Variants in CSMD2 observed in about 807,000 individuals in gnomAD.
The protein encoded by CSMD2 is CUB and sushi domain-containing protein 2.
Under a neutral mutation model 398.5 loss-of-function variants are expected in CSMD2, and 130 were observed. The ratio of observed to expected loss-of-function variants is 0.33; its 90% CI spans 0.28 to 0.38. The LOEUF (loss-of-function observed/expected upper bound fraction) is 0.38, where lower values mean the gene tolerates loss of function less well. CSMD2 is among the 10% of genes least tolerant of loss of function. CSMD2 has a pLI of 1.00. For missense variants in CSMD2, 3,829 were observed against 4,764.9 expected (o/e 0.80, Z 5.78); for synonymous variants, 1,828 against 1,908.5 (o/e 0.96, Z 1.10).
At position 33,724,640 on chromosome 1, in the gene CSMD2, C is replaced by G. The variant is rs755675468; in HGVS notation, c.2760G>C (p.Gly920=). The G allele has an allele frequency of 2.5e-6, 4 of 1,614,160 alleles. No individual in the cohort carries two copies. Among genetic ancestry groups the G allele is most frequent in the Non-Finnish European group, 3.4e-6 (4 of 1,180,044 alleles). ...PGIPVNGQRH[G]NDFYVGALVT... is the part of the protein sequence containing the mutation. ...CCAGCGCGCCCACGTAGAAGTCATT[C>G]CCATGACGCTGTCCATTTACTGGGA... Residue 920 remains glycine (G), a synonymous_variant, in exon 18 of 71, where the codon GGG becomes GGC. Transcript: ENST00000373381.
At chr1:33,950,622 C>T (rs1239290037) in intron 3 of CSMD2, among the ~76,000 whole-genome samples, 2 of 152,104 alleles carry the variant, frequency 1.3e-5, no homozygotes, top group African/African-American at 4.8e-5. Flanking sequence ...CAGTGGTTGG[C>T]ATAGTTGGGC....
At chr1:33,939,021 G>A (rs969969493) in intron 3 of CSMD2, among the ~76,000 whole-genome samples, 1 of 151,364 alleles carries the variant, frequency 6.6e-6, no homozygotes. Flanking sequence ...GTGATCCCCT[G>A]CTGCTGGTTT....
At chr1:34,057,367 TCTC>T (rs1558312312) in intron 2 of CSMD2, among the ~76,000 whole-genome samples, 2 of 152,106 alleles carry the variant, frequency 1.3e-5, no homozygotes, top group Non-Finnish European at 2.9e-5. Flanking sequence ...CCTTTTCCCT[TCTC>T]CTAGACCCCT....
rs116732054 is a variant in CSMD2, at chr1:33,715,323, T to A, written c.3218-548A>T. Among the ~76,000 whole-genome samples the A allele has an allele frequency of 4.2e-3, 639 of 152,122 alleles. 5 individuals carry two copies. The highest frequency in any genetic ancestry group is 0.015 in the African/African-American group (612 of 41,564). On this transcript the variant is annotated intron_variant, in intron 20 of 70. Coordinates refer to ENST00000373381, the MANE Select transcript of CSMD2 (RefSeq NM_001281956.2). ...ACTCCAAATGCCTGACGAGAAGCCA[T>A]GTCTCAGCTACGTTGGCACTTGAGG...
chr1:33,631,415 C>T (rs1254011951), intron 32 of CSMD2, among the ~76,000 whole-genome samples: 1 of 151,984 alleles, frequency 6.6e-6, no homozygotes, highest in Admixed American at 6.6e-5. Context: ...AATAATGAGA[C>T]AAATTTATTT....
At chr1:33,643,440 C>A in intron 29 of CSMD2, among the ~76,000 whole-genome samples, 1 of 152,194 alleles carries the variant, frequency 6.6e-6, no homozygotes. Flanking sequence ...ACAACAAATG[C>A]AATACCAGTG....
chr1:34,128,251 C>T (rs541832803), intron 1 of CSMD2, among the ~76,000 whole-genome samples: 1 of 152,160 alleles, frequency 6.6e-6, no homozygotes, highest in Non-Finnish European at 1.5e-5. Flanking sequence ...GCACTGGAAG[C>T]TTCTGAGGCT....
At chr1:34,081,316 T>C (rs889873856) in intron 2 of CSMD2, among the ~76,000 whole-genome samples, 2 of 152,118 alleles carry the variant, frequency 1.3e-5, no homozygotes, top group East Asian at 3.9e-4. Flanking sequence ...TGGACTGTCC[T>C]CTAAGGTCAT....
At chr1:34,143,523 T>C (rs1639493718) in intron 1 of CSMD2, among the ~76,000 whole-genome samples, 1 of 152,192 alleles carries the variant, frequency 6.6e-6, no homozygotes, top group Non-Finnish European at 1.5e-5. Flanking sequence ...TGTGTAATTA[T>C]CTGTCCACTC....
rs768466045 is a variant in CSMD2, at chr1:33,698,724, G to A, written c.3925+29C>T. 9 of 1,593,306 alleles carry A rather than the reference G, an allele frequency of 5.6e-6. No individual in the cohort carries two copies. In the South Asian group the frequency reaches 5.7e-5, roughly 10 times the overall value. ...AGCTTGGTATTATGGGAGACCCAAG[G>A]GTTCCCTGCAGAGGAAGAGCCCTCC... is the stretch of plus-strand genomic sequence containing the variant. On this transcript the variant is annotated intron_variant, in intron 24 of 70. Coordinates refer to ENST00000373381, the MANE Select transcript of CSMD2 (RefSeq NM_001281956.2).
chr1:33,837,406 G>A (rs895206927), intron 6 of CSMD2, among the ~76,000 whole-genome samples: 6 of 150,688 alleles, frequency 4.0e-5, no homozygotes, highest in Admixed American at 1.3e-4. Flanking sequence ...TTTTCATGGA[G>A]CACCCACTAG....
intron 3 of CSMD2, among the ~76,000 whole-genome samples, chr1:34,030,737 G>A (rs1650305987): frequency 6.6e-6 from 1 of 152,166 alleles, no homozygotes; most frequent in Non-Finnish European, 1.5e-5. Context: ...CCTCAGGGAA[G>A]CCAGGGCCTC....
At chr1:33,567,915 T>C in intron 52 of CSMD2, 74 bp from the exon 53 acceptor site, 1 of 1,498,204 alleles carries the variant, frequency 6.7e-7, no homozygotes, top group Non-Finnish European at 9.0e-7. Flanking sequence ...TCCCTGAGAG[T>C]AGCAATCTAG....
Position 33,537,063 on chromosome 1 carries a change from C to T in CSMD2, c.9838G>A (p.Val3280Met), listed in dbSNP as rs747472178. ...PTLTTCADPG[V>M]PQFGIQNNSQ... The stretch of plus-strand genomic sequence containing the variant: ...TTGTTCTGTATCCCAAACTGTGGCA[C>T]ACCAGGGTCCGCACACGTGGTCAGG... Residue 3280 changes from valine to methionine, a missense_variant, in exon 62 of 71, where the codon GTG becomes ATG. Physicochemically the swap from Val to Met is conservative, Grantham distance 21. Transcript: ENST00000373381. The surrounding 1 kb of genome is among the most constrained non-coding windows in gnomAD (Gnocchi z 4.6). 4 of 1,614,216 alleles carry T rather than the reference C, an allele frequency of 2.5e-6. No homozygotes were observed. Among genetic ancestry groups the T allele is most frequent in the Non-Finnish European group, 3.4e-6 (4 of 1,180,030 alleles).
chr1:34,130,662 G>A lies in CSMD2; in HGVS notation c.187+34249C>T, dbSNP rs1440929194. ...GAAGCAGGTGGACCAGCCAGGGATC[G>A]ATTGTCCCAGGGAGAGACAGAGAAG... is the stretch of plus-strand genomic sequence containing the variant. On this transcript the variant is annotated intron_variant, in intron 1 of 70. Coordinates refer to ENST00000373381, the MANE Select transcript of CSMD2 (RefSeq NM_001281956.2). Among the ~76,000 whole-genome samples the A allele has an allele frequency of 3.9e-5, 6 of 152,196 alleles. No homozygotes were observed. The East Asian group carries it at 1.2e-3, about 30-fold the overall frequency.
chr1:34,000,782 TG>T (rs1441236380), intron 3 of CSMD2, among the ~76,000 whole-genome samples: 2 of 152,056 alleles, frequency 1.3e-5, no homozygotes, highest in African/African-American at 4.8e-5. Context: ...TCAAAGAAAT[TG>T]CAGAGTTTTT....
intron 36 of CSMD2, among the ~76,000 whole-genome samples, chr1:33,622,716 CTCAG>C (rs1393552016): frequency 1.3e-5 from 2 of 152,234 alleles, no homozygotes; most frequent in African/African-American, 4.8e-5. Flanking sequence ...ATACACCACA[CTCAG>C]TCAGAAGTCC....
chr1:33,825,943 T>A (rs1436952451), intron 6 of CSMD2, among the ~76,000 whole-genome samples, 169 bp from the exon 7 acceptor site: 1 of 152,142 alleles, frequency 6.6e-6, no homozygotes, highest in Admixed American at 6.5e-5. Flanking sequence ...CAATAGGACC[T>A]CAGACATGAA....
At position 34,163,736 on chromosome 1, in the gene CSMD2, T is replaced by G. The variant is rs999234478; in HGVS notation, c.187+1175A>C. On this transcript the variant is annotated intron_variant, in intron 1 of 70. Transcript: ENST00000373381. This position sits in a 1 kb window ranked among gnomAD's most constrained non-coding sequence, Gnocchi z 5.4. ...GGTCTAGGCCTGGCCAGCAGGTGTT[T>G]CGGTTTCTCCCCCAGTGGGTGTCAG... 2.0e-5 allele frequency among the ~76,000 whole-genome samples: 3 copies of G among 152,010 alleles called. No individual in the cohort carries two copies. The highest frequency in any genetic ancestry group is 7.2e-5 in the African/African-American group (3 of 41,406).
Sources: allele counts gnomAD v4.1 joint callset (sites outside exome capture counted in the v4.1 genomes callset), GRCh38; gene constraint gnomAD v4.1.1; non-coding constraint Gnocchi (gnomAD v3.1); transcripts MANE v1.5; gene names NCBI Gene and HGNC (gene_info 2026-07-23, HGNC 2026-07-21).